COL5A2: variants seen among roughly 807,000 people sequenced by gnomAD.
COL5A2 encodes the protein collagen type V alpha 2 chain.
Under a neutral mutation model 208.2 loss-of-function variants are expected in COL5A2, and 23 were observed. That is an observed-to-expected ratio of 0.11 (90% CI 0.08 to 0.16). The LOEUF (loss-of-function observed/expected upper bound fraction) is 0.16, where lower values mean the gene tolerates loss of function less well. Among genes scored for constraint, COL5A2 ranks in the 10% least tolerant of loss-of-function variants. The pLI is 1.00. For missense variants in COL5A2, 1,590 were observed against 1,956.4 expected (o/e 0.81, Z 3.53); for synonymous variants, 625 against 628.5 (o/e 0.99, Z 0.08).
the COL5A2 span, among the ~76,000 whole-genome samples, chr2:189,400,630 TTTAA>T: frequency 2.0e-5 from 3 of 152,178 alleles, no homozygotes; most frequent in African/African-American, 4.8e-5. Flanking sequence ...AAGAGTTTAT[TTTAA>T]TTATTAGTTG....
chr2:189,322,662 C>A, the COL5A2 span, among the ~76,000 whole-genome samples: 3 of 152,130 alleles, frequency 2.0e-5, no homozygotes, highest in Non-Finnish European at 4.4e-5. Flanking sequence ...CAATAACACA[C>A]TCTGAAATTG....
intron 50 of COL5A2, among the ~76,000 whole-genome samples, chr2:189,041,168 AG>A (rs1685553309): frequency 6.6e-6 from 1 of 152,202 alleles, no homozygotes; most frequent in Non-Finnish European, 1.5e-5. Flanking sequence ...TTTTAATCAA[AG>A]TCCTCCCTGA....
At chr2:189,438,039 C>G in the COL5A2 span, among the ~76,000 whole-genome samples, 62 of 151,340 alleles carry the variant, frequency 4.1e-4, 1 homozygote, top group African/African-American at 1.2e-3. Flanking sequence ...GCTCAAAACT[C>G]AACAAGAAGA....
chr2:189,119,640 A>G (rs1472332060), intron 1 of COL5A2, among the ~76,000 whole-genome samples: 1 of 152,060 alleles, frequency 6.6e-6, no homozygotes, highest in African/African-American at 2.4e-5. Context: ...AATATCTATA[A>G]AGGAAAACAA....
intron 1 of COL5A2, among the ~76,000 whole-genome samples, chr2:189,160,800 C>CTTTTTCT (rs1688346069): frequency 6.8e-6 from 1 of 147,072 alleles, no homozygotes. Flanking sequence ...TCTTCATGTA[C>CTTTTTCT]TTTTTCTTTT....
the COL5A2 span, among the ~76,000 whole-genome samples, chr2:189,296,752 A>C: frequency 7.9e-5 from 12 of 152,182 alleles, no homozygotes; most frequent in Admixed American, 5.9e-4. Context: ...TGGAACTCCA[A>C]ACTCTGTCCC....
At chr2:189,411,875 AG>A in the COL5A2 span, among the ~76,000 whole-genome samples, 3 of 152,194 alleles carry the variant, frequency 2.0e-5, no homozygotes, top group Admixed American at 2.0e-4. Context: ...ATTTACTTCA[AG>A]CAACAGTTTC....
At chr2:189,088,016 T>A (rs1410274317) in intron 8 of COL5A2, among the ~76,000 whole-genome samples, 1 of 151,932 alleles carries the variant, frequency 6.6e-6, no homozygotes, top group African/African-American at 2.4e-5. Context: ...GAAGGGGTGG[T>A]TATCTATGAG....
the COL5A2 span, among the ~76,000 whole-genome samples, chr2:189,398,857 T>C: frequency 6.6e-6 from 1 of 152,186 alleles, no homozygotes; most frequent in Non-Finnish European, 1.5e-5. Flanking sequence ...CTCTATTCAC[T>C]AGTTAGTTAC....
the COL5A2 span, among the ~76,000 whole-genome samples, chr2:189,237,189 A>C: frequency 4.5e-4 from 68 of 151,844 alleles, 1 homozygote; most frequent in African/African-American, 1.5e-3. Flanking sequence ...ATACCTTAAT[A>C]ATTTCCTATT....
chr2:189,149,013 C>T (rs1223982803), intron 1 of COL5A2, among the ~76,000 whole-genome samples: 4 of 152,070 alleles, frequency 2.6e-5, no homozygotes, highest in Non-Finnish European at 5.9e-5. Flanking sequence ...TGGTGGCATG[C>T]ACTGTAATCC....
the COL5A2 span, among the ~76,000 whole-genome samples, chr2:189,417,880 A>T: frequency 2.0e-5 from 3 of 151,828 alleles, no homozygotes; most frequent in Non-Finnish European, 2.9e-5. Context: ...TTCTTCATTC[A>T]TTGTTGGACA....
At chr2:189,326,498 G>A in the COL5A2 span, among the ~76,000 whole-genome samples, 5,528 of 151,946 alleles carry the variant, frequency 0.036, 116 homozygotes, top group Admixed American at 0.05. Context: ...GCAACATAGT[G>A]AGACCAACAT....
chr2:189,130,747 C>T (rs1418710084), intron 1 of COL5A2, among the ~76,000 whole-genome samples: 1 of 151,804 alleles, frequency 6.6e-6, no homozygotes, highest in Non-Finnish European at 1.5e-5. Flanking sequence ...AGAGTATAAA[C>T]CAGTCTACAA....
chr2:189,092,639 G>T (rs886802496), intron 6 of COL5A2, among the ~76,000 whole-genome samples: 6 of 152,014 alleles, frequency 3.9e-5, no homozygotes. Flanking sequence ...AATTTTATGT[G>T]GTGTGTTAAA....
chr2:189,068,823 G>A lies in COL5A2; in HGVS notation c.1220C>T (p.Thr407Ile). ...PEGPQGQRGETGPPGPVGSPG... is the reference protein window; with the variant it reads ...PEGPQGQRGEIGPPGPVGSPG... ...AGAGCCAACTGGACCTGGGGGCCCA[G>A]TTTCACCTCTCTGCCCCTGAGGACC... The change falls in exon 19 of 54, where the codon ACT becomes ATT. Residue 407 changes from threonine (T) to isoleucine (I), a missense_variant. Transcript: ENST00000374866. 1.2e-6 allele frequency: 2 copies of A among 1,613,316 alleles called. No individual in the cohort carries two copies. Among genetic ancestry groups the A allele is most frequent in the Non-Finnish European group, 1.7e-6 (2 of 1,179,932 alleles).
chr2:189,252,157 G>A, the COL5A2 span, among the ~76,000 whole-genome samples: 1 of 152,188 alleles, frequency 6.6e-6, no homozygotes. Flanking sequence ...CTTTTACACT[G>A]TTGGTGGGAC....
the COL5A2 span, among the ~76,000 whole-genome samples, chr2:189,245,944 T>C: frequency 6.6e-6 from 1 of 152,192 alleles, no homozygotes; most frequent in Non-Finnish European, 1.5e-5. Flanking sequence ...ACAGCTAATA[T>C]TGTGGAAGCC....
At chr2:189,178,322 C>T (rs1169761288) in intron 1 of COL5A2, among the ~76,000 whole-genome samples, 1 of 151,938 alleles carries the variant, frequency 6.6e-6, no homozygotes, top group African/African-American at 2.4e-5. Context: ...ATTTTATAAA[C>T]TTTTTGAAAC....
Sources: allele counts gnomAD v4.1 joint callset (sites outside exome capture counted in the v4.1 genomes callset), GRCh38; gene constraint gnomAD v4.1.1; transcripts MANE v1.5; gene names NCBI Gene and HGNC (gene_info 2026-07-23, HGNC 2026-07-21).